The following TXNRD1 variants were observed in gnomAD, a reference collection of about 807,000 sequenced individuals.
TXNRD1 encodes the protein thioredoxin reductase 1, cytoplasmic.
Under a neutral mutation model 80.3 loss-of-function variants are expected in TXNRD1, and 57 were observed. The observed-to-expected ratio is 0.71, with a 90% CI of 0.57 to 0.89. The LOEUF is 0.89. Among genes scored for constraint, TXNRD1 ranks in the 40% least tolerant of loss-of-function variants. TXNRD1 has a pLI of 0.00. For synonymous variants in TXNRD1, 291 were observed against 285.2 expected, an observed-to-expected ratio of 1.02 and a Z score of -0.20; for missense variants, 730 against 803.0, an observed-to-expected ratio of 0.91 and a Z score of 1.10.
intron 6 of TXNRD1, 65 bp downstream of exon 6, chr12:104,313,382 C>A: frequency 8.1e-7 from 1 of 1,232,980 alleles, no homozygotes. Flanking sequence ...AATAATCTAA[C>A]TGGTTCCTAA....
intron 10 of TXNRD1, among the ~76,000 whole-genome samples, chr12:104,323,292 C>G (rs2035608361): frequency 1.3e-5 from 2 of 150,032 alleles, no homozygotes; most frequent in African/African-American, 4.9e-5. Flanking sequence ...CATTGTCATC[C>G]TGGCCCGTTC....
chr12:104,348,574 A>G lies in TXNRD1; in HGVS notation c.*153A>G, dbSNP rs996719570. ...CAAGGCCCCCTTGGATCTCTTGGAT[A>G]GGAGTTGGTGAATAGAAGGCAGGCA... On this transcript the variant is annotated 3_prime_UTR_variant, in exon 17 of 17. Transcript: ENST00000525566. The G allele has an allele frequency of 6.1e-6, 4 of 654,724 alleles. No homozygotes were observed. Among genetic ancestry groups the G allele is most frequent in the African/African-American group, 5.4e-5 (3 of 55,196 alleles). The allele number at this position is 654,724 out of a possible 1,614,324, so 40.6% of individuals were successfully genotyped here. A position where few individuals can be genotyped will look rare whatever the true frequency, so the allele number is the denominator to read the frequency against.
chr12:104,316,914 A>G (rs1397090774), intron 7 of TXNRD1, among the ~76,000 whole-genome samples: 5 of 152,034 alleles, frequency 3.3e-5, no homozygotes, highest in African/African-American at 4.8e-5. Flanking sequence ...TGGGGTTTTA[A>G]TTGTTTATTA....
intron 3 of TXNRD1, among the ~76,000 whole-genome samples, chr12:104,267,699 TTCTC>T (rs1555209250): frequency 0.054 from 2,486 of 46,402 alleles, 94 homozygotes; most frequent in East Asian, 0.29. Context: ...CTTTCTTTCT[TTCTC>T]TCTTTCTTTC....
At chr12:104,312,095 A>C (rs2035158394) in intron 5 of TXNRD1, among the ~76,000 whole-genome samples, 1 of 152,042 alleles carries the variant, frequency 6.6e-6, no homozygotes, top group Non-Finnish European at 1.5e-5. Flanking sequence ...AATATTTCTT[A>C]GTTAATATTT....
At chr12:104,312,894 G>T (rs35187265) in intron 5 of TXNRD1, among the ~76,000 whole-genome samples, 7 of 152,078 alleles carry the variant, frequency 4.6e-5, no homozygotes, top group African/African-American at 1.7e-4. Flanking sequence ...TGCTTTTTCA[G>T]CTACTTGGCA....
At position 104,327,528 on chromosome 12, in the gene TXNRD1, C is replaced by G. The variant is rs2035805888; in HGVS notation, c.1399C>G (p.Pro467Ala). 6.2e-7 allele frequency: 1 copy of G among 1,611,496 alleles called. No individual in the cohort carries two copies. The highest frequency in any genetic ancestry group is 8.5e-7 in the Non-Finnish European group (1 of 1,178,536). The change falls in exon 13 of 17, where the codon CCT (proline) becomes GCT (alanine). Residue 467 changes from proline (P) to alanine (A), a missense_variant. Coordinates refer to ENST00000525566, the MANE Select transcript of TXNRD1 (RefSeq NM_001093771.3). ...ATAAAATTGCAGGACTGGAAAAATA[C>G]CTGTCACAGATGAAGAACAGACCAA... is the stretch of plus-strand genomic sequence containing the variant. ...VKINEKTGKIPVTDEEQTNVP... is the reference protein window; with the variant it reads ...VKINEKTGKIAVTDEEQTNVP...
intron 4 of TXNRD1, among the ~76,000 whole-genome samples, chr12:104,306,909 C>A (rs1389318041): frequency 6.6e-6 from 1 of 152,196 alleles, no homozygotes; most frequent in Non-Finnish European, 1.5e-5. Flanking sequence ...CAGTACTTTA[C>A]TGACATTCAG....
chr12:104,220,279 G>A (rs184125312), intron 1 of TXNRD1, among the ~76,000 whole-genome samples: 4 of 152,284 alleles, frequency 2.6e-5, no homozygotes, highest in Admixed American at 6.5e-5. Flanking sequence ...TACACGATGC[G>A]CTAGATAATT....
chr12:104,280,245 C>T (rs535046289), intron 3 of TXNRD1: 1 of 152,076 alleles, frequency 6.6e-6, no homozygotes, highest in African/African-American at 2.4e-5. Flanking sequence ...TCTTACCTAC[C>T]ACCATTTTCA....
chr12:104,306,736 AG>A (rs1036795978), intron 4 of TXNRD1, among the ~76,000 whole-genome samples: 1 of 152,218 alleles, frequency 6.6e-6, no homozygotes, highest in African/African-American at 2.4e-5. Flanking sequence ...GACCCTTGCT[AG>A]TGTCTAGTAT....
rs991521266 is a variant in TXNRD1, at chr12:104,305,086, C to A, written c.415-6204C>A. 6.1e-6 allele frequency: 5 copies of A among 823,942 alleles called. No individual in the cohort carries two copies. The African/African-American group carries it at 8.8e-5, about 15-fold the overall frequency. 51.0% of individuals were successfully genotyped at this position (823,942 alleles called of 1,614,324 possible). ...TTGTTTTACTGTGCAGCATATTTTT[C>A]TTAGTAATTTATAAGGTCATGATCT... On this transcript the variant is annotated intron_variant, in intron 4 of 16. Transcript: ENST00000525566.
At chr12:104,300,502 A>G (rs533602544) in intron 4 of TXNRD1, among the ~76,000 whole-genome samples, 2 of 152,310 alleles carry the variant, frequency 1.3e-5, no homozygotes, top group East Asian at 3.9e-4. Context: ...TCTTCTTTTT[A>G]AGCTTCATTT....
rs1450550070 is a variant in TXNRD1 at position 104,249,922 on chromosome 12, C to T, written c.92-1605C>T. On this transcript the variant is annotated intron_variant, in intron 1 of 16. Coordinates refer to ENST00000525566, the MANE Select transcript of TXNRD1 (RefSeq NM_001093771.3). ...CTGTACTCCAGCCTTGGCAACAGAG[C>T]GAGACGCCGTCTCAAAAAAAAAAAA... 2.7e-4 allele frequency among the ~76,000 whole-genome samples: 31 copies of T among 114,782 alleles called. No homozygotes were observed. The Admixed American group carries it at 3.1e-3, about 11-fold the overall frequency. The allele number at this position is 114,782 out of a possible 152,430, so 75.3% of individuals were successfully genotyped here. A position where few individuals can be genotyped will look rare whatever the true frequency, so the allele number is the denominator to read the frequency against.
At chr12:104,306,274 C>T (rs533717431) in intron 4 of TXNRD1, among the ~76,000 whole-genome samples, 1 of 152,162 alleles carries the variant, frequency 6.6e-6, no homozygotes, top group Non-Finnish European at 1.5e-5. Context: ...TCTGGATGTT[C>T]TTCACTTAGT....
rs569352081 is a variant in TXNRD1 at position 104,287,089 on chromosome 12, C to A, written c.305-1842C>A. 1.8e-4 allele frequency: 256 copies of A among 1,441,838 alleles called. 1 individual carries two copies. The highest frequency in any genetic ancestry group is 2.2e-4 in the Non-Finnish European group (240 of 1,103,404). 89.3% of individuals were successfully genotyped at this position (1,441,838 alleles called of 1,614,324 possible). A position where few individuals can be genotyped will look rare whatever the true frequency, so the allele number is the denominator to read the frequency against. On this transcript the variant is annotated intron_variant, in intron 3 of 16. Transcript: ENST00000525566. Reference sequence around the variant, plus strand: ...CGAGTCCTGAAGGAGGGCCTGATGTCTTCATCATTCTCAAATTCTTGTAAG... The same window carrying A: ...CGAGTCCTGAAGGAGGGCCTGATGTATTCATCATTCTCAAATTCTTGTAAG...
chr12:104,268,770 G>A (rs1027234087), intron 3 of TXNRD1, among the ~76,000 whole-genome samples: 3 of 151,862 alleles, frequency 2.0e-5, no homozygotes, highest in African/African-American at 4.8e-5. Flanking sequence ...ACCCGCCTTG[G>A]CCTCTCAAAG....
In TXNRD1 at chr12:104,266,857, G is replaced by A. The variant is rs750981498; in HGVS notation, c.304+8778G>A. Among the ~76,000 whole-genome samples the A allele has an allele frequency of 3.1e-4, 47 of 152,214 alleles. 1 individual carries two copies. The highest frequency in any genetic ancestry group is 2.1e-4 in the South Asian group (1 of 4,828). ...GGCACCTGTAGTCCCAGCAACTCGG[G>A]AGGTTGAGGCAGGAGAATGGTGTGA... On this transcript the variant is annotated intron_variant, in intron 3 of 16. Coordinates refer to ENST00000525566, the MANE Select transcript of TXNRD1 (RefSeq NM_001093771.3).
chr12:104,281,052 C>CCTCT (rs1417524324), intron 3 of TXNRD1, among the ~76,000 whole-genome samples: 3 of 152,176 alleles, frequency 2.0e-5, no homozygotes, highest in African/African-American at 7.2e-5. Context: ...GCTTAGTCAA[C>CCTCT]CTCTCCATTT....
Sources: allele counts gnomAD v4.1 joint callset (sites outside exome capture counted in the v4.1 genomes callset), GRCh38; gene constraint gnomAD v4.1.1; transcripts MANE v1.5; gene names NCBI Gene and HGNC (gene_info 2026-07-23, HGNC 2026-07-21).